NECAB2: variants seen among roughly 807,000 people sequenced by gnomAD.
NECAB2 encodes N-terminal EF-hand calcium binding protein 2, also known as N-terminal EF-hand calcium-binding protein 2.
In NECAB2, 68 loss-of-function variants were observed where a neutral mutation model predicts 51.9. The observed-to-expected ratio is 1.31, with a 90% CI of 1.08 to 1.60. The LOEUF is 1.60. Ranked by LOEUF, NECAB2 falls within the 40% of genes most tolerant of loss-of-function variation. NECAB2 has a pLI of 0.00. For missense variants in NECAB2, 854 were observed against 490.3 expected, an observed-to-expected ratio of 1.74 and a Z score of -7.00; for synonymous variants, 329 against 203.5, an observed-to-expected ratio of 1.62 and a Z score of -5.25.
At chr16:84,001,700 G>A in intron 11 of NECAB2, 125 bp from the exon 12 acceptor site, 7 of 998,512 alleles carry the variant, frequency 7.0e-6, no homozygotes, top group African/African-American at 1.7e-5. Context: ...AAGGCTCTGA[G>A]TCCAAAGACC....
At chr16:83,967,029 G>A (rs185938367), upstream of NECAB2, among the ~76,000 whole-genome samples, 39 of 152,150 alleles carry the variant, frequency 2.6e-4, no homozygotes, top group African/African-American at 7.7e-4. Context: ...CTGCCACCTC[G>A]CCCAGCTAGT....
At chr16:83,991,265 G>C (rs1195525188) in intron 6 of NECAB2, among the ~76,000 whole-genome samples, 3 of 151,928 alleles carry the variant, frequency 2.0e-5, no homozygotes, top group South Asian at 2.1e-4. Context: ...TGAAAGGTGT[G>C]AGCCACCACA....
intron 10 of NECAB2, 146 bp from the exon 11 acceptor site, chr16:84,000,578 C>A (rs545301228): frequency 2.4e-5 from 15 of 612,392 alleles, no homozygotes; most frequent in South Asian, 2.2e-4. Context: ...GTCACCCTGT[C>A]GAGTCTCGAT....
In NECAB2 at chr16:83,994,333, G is replaced by A; in HGVS notation, c.628G>A (p.Ala210Thr). 6.2e-7 allele frequency: 1 copy of A among 1,614,176 alleles called. No homozygotes were observed. Among genetic ancestry groups the A allele is most frequent in the South Asian group, 1.1e-5 (1 of 91,086 alleles). The part of the protein sequence containing the change: ...QNHIKPSHSA[A>T]QTWCGSPTPA... ...CCACATCAAACCCAGCCACAGCGCG[G>A]CACAGACCTGGTGTGGAAGCCCCAC... The change falls in exon 7 of 13, where the codon GCA becomes ACA. Residue 210 changes from alanine to threonine, a missense_variant. Physicochemically the swap from Ala to Thr is moderately conservative, Grantham distance 58. Transcript: ENST00000305202.
chr16:83,986,969 G>T (rs66951085), intron 5 of NECAB2, among the ~76,000 whole-genome samples: 33,526 of 152,030 alleles, frequency 0.22, 5,621 homozygotes, highest in African/African-American at 0.47. Flanking sequence ...CACTAGAAAC[G>T]CAACCCCCAC....
At chr16:83,973,221 C>G (rs80164679) in intron 2 of NECAB2, among the ~76,000 whole-genome samples, 3 of 152,236 alleles carry the variant, frequency 2.0e-5, no homozygotes, top group East Asian at 1.9e-4. Context: ...CCTCTGGCCC[C>G]GGTTCCTCTC....
At chr16:83,986,594 C>T (rs2084559547) in intron 5 of NECAB2, among the ~76,000 whole-genome samples, 1 of 152,126 alleles carries the variant, frequency 6.6e-6, no homozygotes, top group Non-Finnish European at 1.5e-5. Context: ...CTCATTGCAG[C>T]CTCAACCTCC....
chr16:84,001,066 C>T lies in NECAB2; in HGVS notation c.1040+265C>T, dbSNP rs139023073. On this transcript the variant is annotated intron_variant, in intron 11 of 12. Coordinates refer to ENST00000305202, the MANE Select transcript of NECAB2 (RefSeq NM_019065.3). ...CTGTGCCCCTAGAGCACCTTGTCCT[C>T]CTGGAACAGCCCTGGGGGCCGAGGC... 2.6e-3 allele frequency among the ~76,000 whole-genome samples: 394 copies of T among 152,230 alleles called. 3 individuals carry two copies. Among genetic ancestry groups the T allele is most frequent in the African/African-American group, 9.1e-3 (379 of 41,520 alleles).
At position 83,983,557 on chromosome 16, in the gene NECAB2, C is replaced by A. The variant is rs1349541251; in HGVS notation, c.459+2430C>A. Among the ~76,000 whole-genome samples, 10 of 152,168 alleles carry A rather than the reference C, an allele frequency of 6.6e-5. No homozygotes were observed. In the South Asian group the frequency reaches 1.0e-3, roughly 16 times the overall value. ...TTAGGAGGGTGGTGGTGAATTTTTT[C>A]AAATGCCTTTTGGTATTTTTAAATG... is the stretch of plus-strand genomic sequence containing the variant. On this transcript the variant is annotated intron_variant, in intron 5 of 12. Coordinates refer to ENST00000305202, the MANE Select transcript of NECAB2 (RefSeq NM_019065.3).
chr16:83,992,842 C>T (rs541845039), intron 6 of NECAB2, among the ~76,000 whole-genome samples: 1 of 152,308 alleles, frequency 6.6e-6, no homozygotes, highest in Middle Eastern at 3.4e-3. Flanking sequence ...AATTAGCAGC[C>T]ATCGCTGTGA....
intron 10 of NECAB2, among the ~76,000 whole-genome samples, chr16:83,998,663 A>C (rs755488720): frequency 2.9e-4 from 44 of 152,228 alleles, no homozygotes; most frequent in Non-Finnish European, 5.7e-4. Flanking sequence ...GCGCTCAGTC[A>C]GCCTCAGCTG....
rs1186594117 is a variant in NECAB2, at chr16:83,994,341, C to T, written c.636C>T (p.Thr212=). ...HIKPSHSAAQ[T]WCGSPTPASA... is the part of the protein sequence containing the mutation. ...AACCCAGCCACAGCGCGGCACAGACCTGGTGTGGAAGCCCCACTCCCGCCT... is the reference window on the plus strand; with the variant it reads ...AACCCAGCCACAGCGCGGCACAGACTTGGTGTGGAAGCCCCACTCCCGCCT... The change falls in exon 7 of 13, where the codon ACC becomes ACT. Residue 212 remains threonine, a synonymous_variant. Coordinates refer to ENST00000305202, the MANE Select transcript of NECAB2 (RefSeq NM_019065.3). 1.2e-6 allele frequency: 2 copies of T among 1,614,186 alleles called. No homozygotes were observed. The highest frequency in any genetic ancestry group is 8.5e-7 in the Non-Finnish European group (1 of 1,180,028).
chr16:84,001,920 G>A lies in NECAB2; in HGVS notation c.1132+4G>A, dbSNP rs759374513. On this transcript the variant is annotated splice_donor_region_variant and intron_variant, in intron 12 of 12. Coordinates refer to ENST00000305202, the MANE Select transcript of NECAB2 (RefSeq NM_019065.3). ...CTCTCCAGGATCTTGGTGCCAGGTAGGGGGCAAAGGCCTGGAACTGCAGTG... is the reference window on the plus strand; with the variant it reads ...CTCTCCAGGATCTTGGTGCCAGGTAAGGGGCAAAGGCCTGGAACTGCAGTG... 3.7e-6 allele frequency: 6 copies of A among 1,611,932 alleles called. No homozygotes were observed. Among genetic ancestry groups the A allele is most frequent in the Non-Finnish European group, 4.2e-6 (5 of 1,179,748 alleles).
In NECAB2 at chr16:84,001,900, C is replaced by T. The variant is rs561720652; in HGVS notation, c.1116C>T (p.Ser372=). 20 of 1,614,032 alleles carry T rather than the reference C, an allele frequency of 1.2e-5. No individual in the cohort carries two copies. Among genetic ancestry groups the T allele is most frequent in the East Asian group, 4.5e-5 (2 of 44,884 alleles). Residue 372 remains serine (S), a synonymous_variant, in exon 12 of 13, where the codon TCC becomes TCT. Coordinates refer to ENST00000305202, the MANE Select transcript of NECAB2 (RefSeq NM_019065.3). ...VDTLSQPEAL[S]RILVPAAWCT... ...CACTGAGCCAGCCTGAGGCCCTCTC[C>T]AGGATCTTGGTGCCAGGTAGGGGGC... is the stretch of plus-strand genomic sequence containing the variant.
In NECAB2 at chr16:83,974,167, G is replaced by T. The variant is rs80033545; in HGVS notation, c.226+1992G>T. On this transcript the variant is annotated intron_variant, in intron 2 of 12. Transcript: ENST00000305202. ...ATGTGACCGTTAGGGGCTGTCACCA[G>T]GGTGAATGTGGGTGTGAGATGCGGG... Among the ~76,000 whole-genome samples, 4 of 152,140 alleles carry T rather than the reference G, an allele frequency of 2.6e-5. No individual in the cohort carries two copies. In the East Asian group the frequency reaches 7.7e-4, roughly 29 times the overall value.
rs552185302 is a variant in NECAB2 at position 84,001,796 on chromosome 16, C to T, written c.1041-29C>T. 20 of 1,612,668 alleles carry T rather than the reference C, an allele frequency of 1.2e-5. No homozygotes were observed. The South Asian group carries it at 2.1e-4, about 17-fold the overall frequency. ...CACGCGGAGCTCCACTCCTGCCACC[C>T]CTGACTCACACATGTCCCTGCGTCA... is the stretch of plus-strand genomic sequence containing the variant. On this transcript the variant is annotated intron_variant, in intron 11 of 12. Coordinates refer to ENST00000305202, the MANE Select transcript of NECAB2 (RefSeq NM_019065.3).
At chr16:83,977,482 A>G (rs1030877132) in intron 2 of NECAB2, among the ~76,000 whole-genome samples, 5 of 152,114 alleles carry the variant, frequency 3.3e-5, no homozygotes, top group African/African-American at 1.2e-4. Flanking sequence ...CCTTCCTGGT[A>G]GGGCCAAAAG....
At chr16:83,965,329 GGCCCGGCTGGGCATCCCCGGGGAGGCCCT>G, upstream of NECAB2, 2 of 1,574,154 alleles carry the variant, frequency 1.3e-6, no homozygotes, top group Non-Finnish European at 1.7e-6. Context: ...TCGACAGCCC[GGCCCGGCTGGGCATCCCCGGGGAGGCCCT>G]GCCCTTCATC....
chr16:84,000,003 C>A (rs538518118), intron 10 of NECAB2, among the ~76,000 whole-genome samples: 1 of 151,940 alleles, frequency 6.6e-6, no homozygotes, highest in East Asian at 1.9e-4. Flanking sequence ...TCTCATGCCT[C>A]AGTGTCCTGC....
Sources: allele counts gnomAD v4.1 joint callset (sites outside exome capture counted in the v4.1 genomes callset), GRCh38; gene constraint gnomAD v4.1.1; transcripts MANE v1.5; gene names NCBI Gene and HGNC (gene_info 2026-07-23, HGNC 2026-07-21).